Variants in RPH3AL observed in about 807,000 individuals in gnomAD.
RPH3AL encodes the protein rab effector Noc2.
Under a neutral mutation model 43.1 loss-of-function variants are expected in RPH3AL, and 38 were observed. The observed-to-expected ratio is 0.88, with a 90% confidence interval of 0.68 to 1.15. The LOEUF is 1.15. Among genes scored for constraint, RPH3AL ranks in the 50% most tolerant of loss-of-function variants. The probability of loss-of-function intolerance (pLI) is 0.00; values close to 1 mark genes in which losing one functional copy is unlikely to be tolerated. For synonymous variants in RPH3AL, 189 were observed against 176.3 expected, an observed-to-expected ratio of 1.07 and a Z score of -0.57; for missense variants, 462 against 423.2, an observed-to-expected ratio of 1.09 and a Z score of -0.81.
rs2041732455 is a variant in RPH3AL at position 245,323 on chromosome 17, CAG to C, written c.613+1786_613+1787del. On this transcript the variant is annotated intron_variant, in intron 7 of 9. Transcript: ENST00000331302. The surrounding 1 kb of genome is among the most constrained non-coding windows in gnomAD (Gnocchi z 5.9). ...TGGATGTGTGTGTGGATGTGGATGT[CAG>C]TGTGTGTGTGTGGATGTGAGTGTGT... Among the ~76,000 whole-genome samples the C allele has an allele frequency of 8.7e-6, 1 of 114,554 alleles. No individual in the cohort carries two copies. The highest frequency in any genetic ancestry group is 3.2e-4 in the South Asian group (1 of 3,156). 75.2% of individuals were successfully genotyped at this position (114,554 alleles called of 152,430 possible). A position where few individuals can be genotyped will look rare whatever the true frequency, so the allele number is the denominator to read the frequency against.
Position 270,716 on chromosome 17 carries a change from T to G in RPH3AL, c.438+11052A>C, listed in dbSNP as rs569741401. On this transcript the variant is annotated intron_variant, in intron 6 of 9. Transcript: ENST00000331302. ...GAAAAAAAAAAAAAATTTCTCCCAT[T>G]CTGTAGGTTGCCTGTTCACTTTGAT... is the stretch of plus-strand genomic sequence containing the variant. Among the ~76,000 whole-genome samples the G allele has an allele frequency of 2.6e-5, 4 of 152,268 alleles. No individual in the cohort carries two copies. In the South Asian group the frequency reaches 8.3e-4, roughly 32 times the overall value.
rs200988260 is a variant in RPH3AL, at chr17:272,932, A to G, written c.438+8836T>C. 6.6e-3 allele frequency among the ~76,000 whole-genome samples: 838 copies of G among 127,808 alleles called. 5 individuals are homozygous for G. The highest frequency in any genetic ancestry group is 0.026 in the Middle Eastern group (6 of 234). The allele number at this position is 127,808 out of a possible 152,430, so 83.8% of individuals were successfully genotyped here. On this transcript the variant is annotated intron_variant, in intron 6 of 9. Transcript: ENST00000331302. ...GACGTGAGATCCCAGCAAGGGCGAC[A>G]TCAGGGAGAGACCCCAGCAAGGGCT...
rs113919092 is a variant in RPH3AL, at chr17:292,355, G to A, written c.352-10501C>T. The stretch of plus-strand genomic sequence containing the variant: ...GCCCTGCTGCCAAATGACTTTAAAC[G>A]TATAGACAGTTCAGATATTGATGTA... On this transcript the variant is annotated intron_variant, in intron 5 of 9. Coordinates refer to ENST00000331302, the MANE Select transcript of RPH3AL (RefSeq NM_006987.4). Among the ~76,000 whole-genome samples the A allele has an allele frequency of 5.3e-5, 8 of 152,164 alleles. No individual in the cohort carries two copies. In the East Asian group the frequency reaches 5.8e-4, roughly 11 times the overall value.
rs756580482 is a variant in RPH3AL, at chr17:215,654, C to T, written c.876G>A (p.Pro292=). 78 of 1,279,240 alleles carry T rather than the reference C, an allele frequency of 6.1e-5. No homozygotes were observed. The highest frequency in any genetic ancestry group is 3.0e-4 in the Middle Eastern group (1 of 3,328). The allele number at this position is 1,279,240 out of a possible 1,614,324, so 79.2% of individuals were successfully genotyped here. A position where few individuals can be genotyped will look rare whatever the true frequency, so the allele number is the denominator to read the frequency against. ...GAGAAGGCAGCAGTTGGGTACTCACCGGGGCCCTTCGGGTCAGCCCGGGGC... is the reference window on the plus strand; with the variant it reads ...GAGAAGGCAGCAGTTGGGTACTCACTGGGGCCCTTCGGGTCAGCCCGGGGC... ...GPRPGLTRRA[P]VKDTPGRAPA... Residue 292 remains proline, a splice_region_variant and synonymous_variant, in exon 9 of 10, where the codon CCG becomes CCA. Transcript: ENST00000331302. This position sits in a 1 kb window ranked among gnomAD's most constrained non-coding sequence, Gnocchi z 4.1.
intron 3 of RPH3AL, among the ~76,000 whole-genome samples, chr17:325,542 A>C (rs1196995486): frequency 1.3e-5 from 2 of 151,856 alleles, no homozygotes; most frequent in Non-Finnish European, 2.9e-5. Flanking sequence ...CCCATCTAAC[A>C]TTGGCCCATC....
chr17:219,844 G>A (rs2040913780), intron 7 of RPH3AL, 108 bp from the exon 8 acceptor site: 1 of 766,772 alleles, frequency 1.3e-6, no homozygotes, highest in Non-Finnish European at 2.3e-6. Flanking sequence ...ACGTGGCGTA[G>A]CAGCTCAGCT....
chr17:284,842 G>A (rs1203101647), intron 5 of RPH3AL, among the ~76,000 whole-genome samples: 1 of 152,184 alleles, frequency 6.6e-6, no homozygotes, highest in Admixed American at 6.5e-5. Flanking sequence ...GGCCCCGGTC[G>A]GGGTGCCCAC....
At chr17:320,858 G>C (rs1286983768) in intron 4 of RPH3AL, among the ~76,000 whole-genome samples, 2 of 152,264 alleles carry the variant, frequency 1.3e-5, no homozygotes, top group Non-Finnish European at 2.9e-5. Flanking sequence ...GGCCAGGAGA[G>C]GCACGTAGAG....
At chr17:292,886 G>A (rs1447534020) in intron 5 of RPH3AL, among the ~76,000 whole-genome samples, 1 of 152,216 alleles carries the variant, frequency 6.6e-6, no homozygotes, top group Non-Finnish European at 1.5e-5. Context: ...GTCACAGAAG[G>A]CCCCAAGGAG....
At chr17:262,353 T>A (rs955098734) in intron 6 of RPH3AL, among the ~76,000 whole-genome samples, 1 of 152,036 alleles carries the variant, frequency 6.6e-6, no homozygotes, top group African/African-American at 2.4e-5. Flanking sequence ...GTAGCTGGGA[T>A]TACAGGCACC....
At chr17:258,359 G>T (rs929730400) in intron 6 of RPH3AL, among the ~76,000 whole-genome samples, 8 of 152,236 alleles carry the variant, frequency 5.3e-5, no homozygotes, top group African/African-American at 9.6e-5. Flanking sequence ...GCTGCAACGT[G>T]TCTCAACCTA....
chr17:243,381 A>T, intron 7 of RPH3AL, among the ~76,000 whole-genome samples: 1 of 125,248 alleles, frequency 8.0e-6, no homozygotes, highest in African/African-American at 3.2e-5. Flanking sequence ...CCCTTCCTCT[A>T]TTGATTACCT....
At chr17:298,124 T>A (rs1363331997) in intron 5 of RPH3AL, among the ~76,000 whole-genome samples, 2 of 152,078 alleles carry the variant, frequency 1.3e-5, no homozygotes, top group African/African-American at 4.8e-5. Flanking sequence ...AACCCTGACA[T>A]TTCCTCCTCC....
intron 7 of RPH3AL, among the ~76,000 whole-genome samples, chr17:226,398 CCT>C (rs1437539024): frequency 2.0e-5 from 3 of 152,252 alleles, no homozygotes; most frequent in Non-Finnish European, 4.4e-5. Context: ...CAGGGAAGAG[CCT>C]CTCCGTGACT....
chr17:247,506 G>A (rs936633274), intron 6 of RPH3AL: 1 of 520,426 alleles, frequency 1.9e-6, no homozygotes, highest in South Asian at 3.0e-5. Flanking sequence ...TTATTTTAGA[G>A]TTGAGGACTT....
intron 5 of RPH3AL, among the ~76,000 whole-genome samples, chr17:310,480 C>T (rs2043616536): frequency 6.6e-6 from 1 of 152,180 alleles, no homozygotes; most frequent in Non-Finnish European, 1.5e-5. Flanking sequence ...CCCAGCATCC[C>T]TTCTCCAGCC....
intron 6 of RPH3AL, among the ~76,000 whole-genome samples, chr17:280,006 C>A (rs531327876): frequency 1.4e-4 from 22 of 152,320 alleles, no homozygotes; most frequent in African/African-American, 4.1e-4. Context: ...CACTGTGAGG[C>A]CCTGCCTGCA....
At chr17:295,303 G>A (rs1173698255) in intron 5 of RPH3AL, among the ~76,000 whole-genome samples, 10 of 142,772 alleles carry the variant, frequency 7.0e-5, no homozygotes, top group East Asian at 4.4e-4. Flanking sequence ...AAATGGACGG[G>A]CAGAGGGAAT....
intron 6 of RPH3AL, among the ~76,000 whole-genome samples, chr17:260,347 C>T (rs1217093671): frequency 6.6e-6 from 1 of 152,184 alleles, no homozygotes; most frequent in East Asian, 1.9e-4. Context: ...AGCTCAGACT[C>T]GCCCACCTTC....
Sources: gnomAD v4.1 joint callset for allele counts (sites outside exome capture counted in the v4.1 genomes callset) on GRCh38, gnomAD v4.1.1 for gene constraint, Gnocchi (gnomAD v3.1) non-coding constraint, MANE v1.5 for transcripts, NCBI Gene and HGNC (gene_info 2026-07-23, HGNC 2026-07-21) for gene names.